The following KANSL1 variants were observed in gnomAD, a reference collection of about 807,000 sequenced individuals.
KANSL1 encodes the protein KAT8 regulatory NSL complex subunit 1, also known as MLL1/MLL complex subunit KANSL1.
A neutral mutation model predicts 103.6 loss-of-function variants in KANSL1; 22 were observed. The observed-to-expected ratio is 0.21, with a 90% confidence interval of 0.15 to 0.30. KANSL1 has a LOEUF of 0.30. KANSL1 is among the 10% of genes least tolerant of loss of function. KANSL1 has a pLI of 1.00. For missense variants in KANSL1, 1,337 were observed against 1,399.8 expected (o/e 0.96, Z 0.72); for synonymous variants, 600 against 527.6 (o/e 1.14, Z -1.88).
chr17:46,040,154 C>T (rs930345884), intron 7 of KANSL1: 2 of 410,018 alleles, frequency 4.9e-6, no homozygotes, highest in African/African-American at 2.0e-5. Context: ...GTTCTTGTAT[C>T]CTTGTTTGTT....
chr17:46,105,456 A>C lies in KANSL1; in HGVS notation c.1290-10755T>G, dbSNP rs1159517365. Among the ~76,000 whole-genome samples, 3 of 150,244 alleles carry C rather than the reference A, an allele frequency of 2.0e-5. No homozygotes were observed. The East Asian group carries it at 5.8e-4, about 29-fold the overall frequency. ...ACATGGTGAAACCCCGTCTCTACTA[A>C]AAATACGAAAATTAGTAGGGAATGT... On this transcript the variant is annotated intron_variant, in intron 2 of 14. Transcript: ENST00000432791.
At position 46,096,311 on chromosome 17, in the gene KANSL1, C is replaced by CTTTTTTTTTTTTTT. The variant is rs71138525; in HGVS notation, c.1290-1624_1290-1611dup. ...CATACTACATACCTGGCTTTTTTTT[C>CTTTTTTTTTTTTTT]TTTTTTTTTTTTTTTTTTTTTGAGA... On this transcript the variant is annotated intron_variant, in intron 2 of 14. Transcript: ENST00000432791. Among the ~76,000 whole-genome samples the CTTTTTTTTTTTTTT allele has an allele frequency of 1.4e-3, 107 of 76,376 alleles. 1 individual carries two copies. Among genetic ancestry groups the CTTTTTTTTTTTTTT allele is most frequent in the African/African-American group, 4.1e-3 (73 of 17,820 alleles). 50.1% of individuals were successfully genotyped at this position (76,376 alleles called of 152,430 possible).
intron 2 of KANSL1, among the ~76,000 whole-genome samples, chr17:46,140,295 G>A (rs986105871): frequency 9.9e-5 from 15 of 151,776 alleles, no homozygotes; most frequent in Non-Finnish European, 2.2e-4. Context: ...ACATGATGGG[G>A]AAAAAAAGGT....
Position 46,050,650 on chromosome 17 carries a change from G to C in KANSL1, c.1903C>G (p.Leu635Val), listed in dbSNP as rs1278454807. The change falls in exon 7 of 15, where the codon CTG becomes GTG. Residue 635 changes from leucine (L) to valine (V), a missense_variant. Physicochemically the swap from Leu to Val is conservative, Grantham distance 32. Transcript: ENST00000432791. ...PGCDVNPSCA[L>V]CGSGSINTMP... ...GTGTTGATGCTGCCTGAACCACACA[G>C]TGCGCAGGAGGGATTCACATCACAG... 1 of 1,614,052 alleles carries C rather than the reference G, an allele frequency of 6.2e-7. No individual in the cohort carries two copies. The highest frequency in any genetic ancestry group is 8.5e-7 in the Non-Finnish European group (1 of 1,180,028).
intron 5 of KANSL1, among the ~76,000 whole-genome samples, 181 bp from the exon 6 acceptor site, chr17:46,066,913 T>C (rs911199309): frequency 6.6e-6 from 1 of 152,258 alleles, no homozygotes; most frequent in African/African-American, 2.4e-5. Context: ...TTAATCTACC[T>C]GTGTGTGCTT....
At chr17:46,132,753 C>T (rs921042070) in intron 2 of KANSL1, among the ~76,000 whole-genome samples, 4 of 152,232 alleles carry the variant, frequency 2.6e-5, no homozygotes, top group Non-Finnish European at 4.4e-5. Context: ...TTTGAGACCA[C>T]GTAATATAGT....
At chr17:46,061,609 ACTCCATGTT>A (rs2078160256) in intron 6 of KANSL1, among the ~76,000 whole-genome samples, 1 of 152,132 alleles carries the variant, frequency 6.6e-6, no homozygotes, top group African/African-American at 2.4e-5. Context: ...TTTAGGAAGT[ACTCCATGTT>A]CTCCATGAGC....
chr17:46,181,661 A>G (rs1392463513), intron 1 of KANSL1, among the ~76,000 whole-genome samples: 1 of 152,162 alleles, frequency 6.6e-6, no homozygotes, highest in African/African-American at 2.4e-5. Flanking sequence ...CGAACTCCTG[A>G]CCTCAGGTGA....
intron 1 of KANSL1, among the ~76,000 whole-genome samples, chr17:46,214,239 G>C (rs992477022): frequency 6.6e-6 from 1 of 152,248 alleles, no homozygotes; most frequent in African/African-American, 2.4e-5. Context: ...GATCCAAAGA[G>C]TAAGGCCAAG....
intron 1 of KANSL1, among the ~76,000 whole-genome samples, chr17:46,218,983 G>A (rs532802094): frequency 3.4e-4 from 52 of 151,188 alleles, no homozygotes; most frequent in African/African-American, 7.8e-4. Flanking sequence ...AGATTAGGCC[G>A]GGCACGGTGG....
At chr17:46,130,639 T>C (rs911925130) in intron 2 of KANSL1, among the ~76,000 whole-genome samples, 4 of 152,196 alleles carry the variant, frequency 2.6e-5, no homozygotes, top group African/African-American at 9.7e-5. Flanking sequence ...AACACTACAA[T>C]AGCAACAAAC....
Position 46,046,795 on chromosome 17 carries a change from C to T in KANSL1, c.2020+3738G>A, listed in dbSNP as rs374544596. ...GAGGTTGCAGTGACCCGAGATTGCA[C>T]GACTGCACTCCAGCCTGGGTGACAG... is the stretch of plus-strand genomic sequence containing the variant. On this transcript the variant is annotated intron_variant, in intron 7 of 14. Transcript: ENST00000432791. Among the ~76,000 whole-genome samples the T allele has an allele frequency of 2.7e-4, 39 of 141,972 alleles. No individual in the cohort carries two copies. The South Asian group carries it at 7.2e-3, about 26-fold the overall frequency. 93.1% of individuals were successfully genotyped at this position (141,972 alleles called of 152,430 possible). A position where few individuals can be genotyped will look rare whatever the true frequency, so the allele number is the denominator to read the frequency against.
chr17:46,100,433 C>A, intron 2 of KANSL1, among the ~76,000 whole-genome samples: 2 of 135,054 alleles, frequency 1.5e-5, no homozygotes, highest in Non-Finnish European at 1.7e-5. Context: ...CAGAGTGAGA[C>A]TCCCTCTCCC....
At chr17:46,196,292 A>G, upstream of KANSL1, 1 of 451,246 alleles carries the variant, frequency 2.2e-6, no homozygotes, top group Non-Finnish European at 4.4e-6. Context: ...CACTCTTGGA[A>G]TAGTCATGTT....
chr17:46,144,129 A>G (rs549271283), intron 2 of KANSL1, among the ~76,000 whole-genome samples: 3 of 152,220 alleles, frequency 2.0e-5, no homozygotes, highest in Non-Finnish European at 4.4e-5. Context: ...TCAAGGAAAG[A>G]TATAACTATA....
At chr17:46,092,092 C>T (rs1163862379) in intron 3 of KANSL1, among the ~76,000 whole-genome samples, 1 of 152,222 alleles carries the variant, frequency 6.6e-6, no homozygotes, top group Non-Finnish European at 1.5e-5. Context: ...GCCTCGGCCT[C>T]CCAAAGTGCT....
intron 3 of KANSL1, among the ~76,000 whole-genome samples, chr17:46,085,977 A>G (rs964863825): frequency 6.6e-6 from 1 of 152,234 alleles, no homozygotes; most frequent in African/African-American, 2.4e-5. Flanking sequence ...CAAAATACAA[A>G]TATATTTAAA....
At chr17:46,100,443 CCAA>C (rs2042261523) in intron 2 of KANSL1, among the ~76,000 whole-genome samples, 2 of 107,732 alleles carry the variant, frequency 1.9e-5, no homozygotes, top group Non-Finnish European at 2.4e-5. Context: ...CTCCCTCTCC[CCAA>C]AAAAAAAAAA....
intron 2 of KANSL1, among the ~76,000 whole-genome samples, chr17:46,137,341 A>G (rs1461432186): frequency 6.6e-6 from 1 of 152,234 alleles, no homozygotes; most frequent in Non-Finnish European, 1.5e-5. Context: ...TCTTTAAACC[A>G]GAAGCTATTA....
Sources: allele counts gnomAD v4.1 joint callset (sites outside exome capture counted in the v4.1 genomes callset), GRCh38; gene constraint gnomAD v4.1.1; transcripts MANE v1.5; gene names NCBI Gene and HGNC (gene_info 2026-07-23, HGNC 2026-07-21).